Variants in HDAC2 observed in about 807,000 individuals in gnomAD.
HDAC2 encodes the protein YY1-associated factor 1.
A neutral mutation model predicts 68.5 loss-of-function variants in HDAC2; 5 were observed. The ratio of observed to expected loss-of-function variants is 0.07; its 90% confidence interval spans 0.04 to 0.15. HDAC2 has a LOEUF of 0.15. Among genes scored for constraint, HDAC2 ranks in the 10% least tolerant of loss-of-function variants. The pLI is 1.00. For missense variants in HDAC2, 291 were observed against 600.8 expected (o/e 0.48, Z 5.39); for synonymous variants, 182 against 191.3 (o/e 0.95, Z 0.40).
At chr6:113,960,916 T>C (rs1582494482) in intron 1 of HDAC2, among the ~76,000 whole-genome samples, 1 of 152,226 alleles carries the variant, frequency 6.6e-6, no homozygotes, top group South Asian at 2.1e-4. Flanking sequence ...CCTTGTAATC[T>C]TCCCCTAAAT....
rs1325759725 is a variant in HDAC2 at position 113,937,165 on chromosome 6, G to T, written c.*3893C>A. On this transcript the variant is annotated 3_prime_UTR_variant, in exon 14 of 14. Coordinates refer to ENST00000519065, the MANE Select transcript of HDAC2 (RefSeq NM_001527.4). ...CCTAAGATTATGGTGGAGATCCTAA[G>T]CTATTGAAATGATTACTACTTGTTT... 1 of 152,070 alleles carries T rather than the reference G, an allele frequency of 6.6e-6. No homozygotes were observed. The highest frequency in any genetic ancestry group is 2.4e-5 in the African/African-American group (1 of 41,420). The allele number at this position is 152,070 out of a possible 1,614,324, so 9.4% of individuals were successfully genotyped here.
intron 12 of HDAC2, among the ~76,000 whole-genome samples, chr6:113,942,157 A>G (rs1299568866): frequency 6.6e-6 from 1 of 152,080 alleles, no homozygotes; most frequent in Admixed American, 6.5e-5. Flanking sequence ...AAAAATGAGA[A>G]CACCAAAAAC....
chr6:113,957,930 C>T (rs1368236392), intron 3 of HDAC2, among the ~76,000 whole-genome samples: 1 of 151,932 alleles, frequency 6.6e-6, no homozygotes, highest in African/African-American at 2.4e-5. Context: ...ACTACATGTT[C>T]TAGTTACATT....
intron 1 of HDAC2, among the ~76,000 whole-genome samples, chr6:113,965,374 T>A (rs927038300): frequency 6.6e-6 from 1 of 151,982 alleles, no homozygotes; most frequent in Non-Finnish European, 1.5e-5. Context: ...TTTTGTTTTT[T>A]TTTTTGAGAC....
At chr6:113,950,115 C>T (rs1394487367) in intron 6 of HDAC2, among the ~76,000 whole-genome samples, 15 of 152,074 alleles carry the variant, frequency 9.9e-5, no homozygotes, top group Non-Finnish European at 2.2e-4. Flanking sequence ...GGACTTCAAA[C>T]AAATTTTGTT....
At chr6:113,951,006 T>G (rs1776400922) in intron 6 of HDAC2, among the ~76,000 whole-genome samples, 1 of 152,198 alleles carries the variant, frequency 6.6e-6, no homozygotes, top group Admixed American at 6.5e-5. Flanking sequence ...TTGTGAAAAC[T>G]TTACAGTCCT....
At chr6:113,950,175 C>T (rs142870278) in intron 6 of HDAC2, among the ~76,000 whole-genome samples, 6 of 152,162 alleles carry the variant, frequency 3.9e-5, no homozygotes, top group African/African-American at 1.4e-4. Context: ...TCTCAAAAGA[C>T]GCAAAGGTTC....
chr6:113,969,002 T>C (rs1036953386), intron 1 of HDAC2, among the ~76,000 whole-genome samples: 7 of 152,184 alleles, frequency 4.6e-5, no homozygotes, highest in African/African-American at 1.4e-4. Context: ...AAAATTTTCC[T>C]CTTTACTCCA....
rs767672417 is a variant in HDAC2 at position 113,958,781 on chromosome 6, A to C, written c.166-15T>G. On this transcript the variant is annotated splice_polypyrimidine_tract_variant and intron_variant, in intron 2 of 13. Transcript: ENST00000519065. ...TTATGGGGCCTCTGTGAAGAGAAAT[A>C]AATGTCAGAACTGTGGAATTACAAC... 7.2e-7 allele frequency: 1 copy of C among 1,397,446 alleles called. No individual in the cohort carries two copies. Among genetic ancestry groups the C allele is most frequent in the South Asian group, 1.2e-5 (1 of 86,182 alleles). The allele number at this position is 1,397,446 out of a possible 1,614,324, so 86.6% of individuals were successfully genotyped here. A position where few individuals can be genotyped will look rare whatever the true frequency, so the allele number is the denominator to read the frequency against.
intron 11 of HDAC2, among the ~76,000 whole-genome samples, 159 bp from the exon 12 acceptor site, chr6:113,943,665 A>G (rs562250416): frequency 6.6e-6 from 1 of 152,328 alleles, no homozygotes; most frequent in Non-Finnish European, 1.5e-5. Flanking sequence ...TGAATGGTTT[A>G]TTTAATATTG....
intron 6 of HDAC2, among the ~76,000 whole-genome samples, chr6:113,951,756 C>T (rs1476648994): frequency 3.9e-5 from 6 of 152,082 alleles, no homozygotes; most frequent in Admixed American, 1.3e-4. Context: ...CGTGAGACAC[C>T]GCGCCCGGCC....
At chr6:113,957,687 C>T (rs993694707) in intron 3 of HDAC2, among the ~76,000 whole-genome samples, 2 of 151,948 alleles carry the variant, frequency 1.3e-5, no homozygotes, top group African/African-American at 4.8e-5. Flanking sequence ...AGGGTTTTGC[C>T]ATGTTGGCCA....
chr6:113,940,929 G>A lies in HDAC2; in HGVS notation c.*129C>T. The A allele has an allele frequency of 1.6e-6, 1 of 607,400 alleles. No homozygotes were observed. The highest frequency in any genetic ancestry group is 2.7e-6 in the Non-Finnish European group (1 of 372,248). The allele number at this position is 607,400 out of a possible 1,614,324, so 37.6% of individuals were successfully genotyped here. On this transcript the variant is annotated 3_prime_UTR_variant, in exon 14 of 14. Transcript: ENST00000519065. ...TGCCAAGAAAAACAAAAACGAAAAA[G>A]CCATTTGAAAATAAATACAGTCCAT... is the stretch of plus-strand genomic sequence containing the variant.
intron 1 of HDAC2, chr6:113,962,330 TTAAG>T: frequency 1.3e-6 from 1 of 786,614 alleles, no homozygotes; most frequent in Non-Finnish European, 1.5e-6. Flanking sequence ...GCTAATGTTC[TTAAG>T]TAATAACAAC....
At chr6:113,948,130 C>T (rs997783905) in intron 8 of HDAC2, 11 of 152,186 alleles carry the variant, frequency 7.2e-5, no homozygotes, top group African/African-American at 2.7e-4. Flanking sequence ...AGCCTTCAAT[C>T]ATATGCTGAT....
At chr6:113,960,647 A>C (rs1442689723) in intron 1 of HDAC2, among the ~76,000 whole-genome samples, 1 of 152,092 alleles carries the variant, frequency 6.6e-6, no homozygotes. Context: ...ACGGCATCTT[A>C]TATCACAATG....
intron 6 of HDAC2, among the ~76,000 whole-genome samples, chr6:113,953,057 A>C (rs1023494447): frequency 6.6e-6 from 1 of 152,218 alleles, no homozygotes; most frequent in African/African-American, 2.4e-5. Context: ...ATTCAACCAA[A>C]GAAAACAGCT....
At chr6:113,955,833 G>A in intron 5 of HDAC2, 180 bp downstream of exon 5, 1 of 537,482 alleles carries the variant, frequency 1.9e-6, no homozygotes, top group Non-Finnish European at 3.2e-6. Flanking sequence ...CTTAATAATT[G>A]AAGAATTGGG....
intron 1 of HDAC2, among the ~76,000 whole-genome samples, chr6:113,966,089 C>A (rs188416569): frequency 6.6e-6 from 1 of 152,194 alleles, no homozygotes; most frequent in Non-Finnish European, 1.5e-5. Flanking sequence ...ATTAAAACTA[C>A]AGTCAGTGTG....
Sources: gnomAD v4.1 joint callset for allele counts (sites outside exome capture counted in the v4.1 genomes callset) on GRCh38, gnomAD v4.1.1 for gene constraint, MANE v1.5 for transcripts, NCBI Gene and HGNC (gene_info 2026-07-23, HGNC 2026-07-21) for gene names.